The following SESTD1 variants were observed in gnomAD, a reference collection of about 807,000 sequenced individuals.
SESTD1 encodes SEC14 domain and spectrin repeat-containing protein 1.
In SESTD1, 43 loss-of-function variants were observed where a neutral mutation model predicts 101.7. The ratio of observed to expected loss-of-function variants is 0.42; its 90% CI spans 0.33 to 0.55. SESTD1 has a LOEUF of 0.55. SESTD1 is among the 20% of genes least tolerant of loss of function. SESTD1 has a pLI of 0.07. For synonymous variants in SESTD1, 283 were observed against 286.8 expected (o/e 0.99, Z 0.13); for missense variants, 647 against 815.1 (o/e 0.79, Z 2.51).
chr2:179,256,298 AGAC>A (rs2047392397), intron 1 of SESTD1, among the ~76,000 whole-genome samples: 1 of 152,262 alleles, frequency 6.6e-6, no homozygotes, highest in Admixed American at 6.5e-5. Context: ...TCATCAATCT[AGAC>A]TCCATTAAGA....
chr2:179,179,869 T>A (rs951657121), intron 3 of SESTD1, among the ~76,000 whole-genome samples: 38 of 152,216 alleles, frequency 2.5e-4, no homozygotes, highest in African/African-American at 8.9e-4. Context: ...CACACTAGCC[T>A]CCTTGATGTT....
At chr2:179,122,907 A>ATAAC (rs1410983643) in intron 12 of SESTD1, among the ~76,000 whole-genome samples, 1 of 152,202 alleles carries the variant, frequency 6.6e-6, no homozygotes, top group Non-Finnish European at 1.5e-5. Flanking sequence ...AAAAAATAAA[A>ATAAC]TAACAAAGGC....
At chr2:179,171,032 T>G (rs1238197993) in intron 5 of SESTD1, among the ~76,000 whole-genome samples, 1 of 152,182 alleles carries the variant, frequency 6.6e-6, no homozygotes, top group Non-Finnish European at 1.5e-5. Flanking sequence ...AGAAGGGGCT[T>G]GTGAGTACAG....
chr2:179,178,948 T>TTA (rs2046060034), intron 3 of SESTD1, among the ~76,000 whole-genome samples: 1 of 152,218 alleles, frequency 6.6e-6, no homozygotes, highest in Non-Finnish European at 1.5e-5. Flanking sequence ...TCTGTAGTGA[T>TTA]CTTAAAGGAA....
At chr2:179,254,818 T>C (rs2047368637) in intron 1 of SESTD1, among the ~76,000 whole-genome samples, 1 of 152,230 alleles carries the variant, frequency 6.6e-6, no homozygotes, top group Non-Finnish European at 1.5e-5. Context: ...AGATATTGTA[T>C]TTTTCATAGA....
intron 6 of SESTD1, 40 bp from the exon 7 acceptor site, chr2:179,149,434 A>G (rs1404186088): frequency 7.6e-7 from 1 of 1,313,872 alleles, no homozygotes; most frequent in Admixed American, 2.3e-5. Context: ...GAACAGTCTT[A>G]AAAATTAATA....
At chr2:179,226,200 C>G (rs2046882989) in intron 1 of SESTD1, among the ~76,000 whole-genome samples, 1 of 152,204 alleles carries the variant, frequency 6.6e-6, no homozygotes, top group Admixed American at 6.5e-5. Flanking sequence ...ATAGGCTACA[C>G]ATACTCTTAA....
At chr2:179,263,405 G>A (rs1009257330) in intron 1 of SESTD1, among the ~76,000 whole-genome samples, 10 of 152,138 alleles carry the variant, frequency 6.6e-5, no homozygotes, top group Admixed American at 5.9e-4. Flanking sequence ...ACATTAATAA[G>A]ATTTAGCCAG....
At chr2:179,163,722 G>C (rs1047066334) in intron 5 of SESTD1, among the ~76,000 whole-genome samples, 2 of 151,912 alleles carry the variant, frequency 1.3e-5, no homozygotes, top group Non-Finnish European at 2.9e-5. Context: ...TGCTAGAGAA[G>C]TTAAGACAAG....
intron 1 of SESTD1, among the ~76,000 whole-genome samples, chr2:179,257,245 G>A (rs1264742269): frequency 6.6e-6 from 1 of 151,944 alleles, no homozygotes; most frequent in African/African-American, 2.4e-5. Flanking sequence ...AGGCAAGAAA[G>A]TAATTACCAT....
At chr2:179,132,656 GCTAT>G (rs2045038244) in intron 9 of SESTD1, among the ~76,000 whole-genome samples, 1 of 152,162 alleles carries the variant, frequency 6.6e-6, no homozygotes, top group South Asian at 2.1e-4. Flanking sequence ...CAAGCTTTCA[GCTAT>G]CTGATTATCT....
chr2:179,181,602 A>C (rs1387275723), intron 3 of SESTD1, among the ~76,000 whole-genome samples: 1 of 152,168 alleles, frequency 6.6e-6, no homozygotes, highest in Non-Finnish European at 1.5e-5. Flanking sequence ...GTCAGGAATC[A>C]TGGACTCTCA....
At chr2:179,178,704 G>A (rs1164600431) in intron 3 of SESTD1, among the ~76,000 whole-genome samples, 1 of 152,118 alleles carries the variant, frequency 6.6e-6, no homozygotes, top group African/African-American at 2.4e-5. Flanking sequence ...TTTTCAGGAA[G>A]GAGAGCTAAG....
At chr2:179,167,021 C>T (rs1323005689) in intron 5 of SESTD1, among the ~76,000 whole-genome samples, 1 of 152,000 alleles carries the variant, frequency 6.6e-6, no homozygotes, top group Non-Finnish European at 1.5e-5. Context: ...ACAAGGCACA[C>T]ACAAAAAAGG....
intron 13 of SESTD1, among the ~76,000 whole-genome samples, chr2:179,118,568 T>A (rs1167078156): frequency 2.0e-5 from 3 of 151,480 alleles, no homozygotes; most frequent in Non-Finnish European, 3.0e-5. Flanking sequence ...TAAAAAAAAA[T>A]AAAGATGCTC....
chr2:179,112,286 T>A (rs958024540), intron 17 of SESTD1, among the ~76,000 whole-genome samples: 4 of 152,240 alleles, frequency 2.6e-5, no homozygotes, highest in African/African-American at 9.6e-5. Context: ...TTTCTTCATT[T>A]GTAAATCAGG....
intron 6 of SESTD1, among the ~76,000 whole-genome samples, chr2:179,150,014 G>A (rs1203490642): frequency 3.9e-5 from 6 of 151,998 alleles, no homozygotes; most frequent in African/African-American, 1.2e-4. Flanking sequence ...GGTTGCTTGA[G>A]CCCAGGAGTT....
At chr2:179,220,798 C>T (rs1028771067) in intron 1 of SESTD1, among the ~76,000 whole-genome samples, 1 of 152,162 alleles carries the variant, frequency 6.6e-6, no homozygotes, top group African/African-American at 2.4e-5. Flanking sequence ...TGGGTCATTA[C>T]AAAACCTCAT....
At chr2:179,200,718 T>C (rs1285085150) in intron 1 of SESTD1, among the ~76,000 whole-genome samples, 2 of 138,570 alleles carry the variant, frequency 1.4e-5, no homozygotes, top group African/African-American at 2.8e-5. Flanking sequence ...TGGCTAGCCA[T>C]ATGTAGAAAG....
Sources: gnomAD v4.1 joint callset for allele counts (sites outside exome capture counted in the v4.1 genomes callset) on GRCh38, gnomAD v4.1.1 for gene constraint, MANE v1.5 for transcripts, NCBI Gene and HGNC (gene_info 2026-07-23, HGNC 2026-07-21) for gene names.